The following ATF2 variants were observed in gnomAD, a reference collection of about 807,000 sequenced individuals.
ATF2 encodes activating transcription factor 2, also known as cyclic AMP-dependent transcription factor ATF-2.
Under a neutral mutation model 60.6 loss-of-function variants are expected in ATF2, and 24 were observed. The observed-to-expected ratio is 0.40, with a 90% confidence interval of 0.29 to 0.56. The LOEUF is 0.56. Among genes scored for constraint, ATF2 ranks in the 20% least tolerant of loss-of-function variants. The pLI is 0.54. For synonymous variants in ATF2, 206 were observed against 215.4 expected (o/e 0.96, Z 0.38); for missense variants, 433 against 607.7 (o/e 0.71, Z 3.02).
At chr2:175,101,555 T>C (rs978559606) in intron 10 of ATF2, among the ~76,000 whole-genome samples, 2 of 152,172 alleles carry the variant, frequency 1.3e-5, no homozygotes, top group African/African-American at 2.4e-5. Flanking sequence ...TATCATAGAA[T>C]TGAAGAGCAT....
chr2:175,078,911 T>C (rs1375535837), intron 13 of ATF2, among the ~76,000 whole-genome samples: 1 of 152,142 alleles, frequency 6.6e-6, no homozygotes, highest in African/African-American at 2.4e-5. Flanking sequence ...CTGAAGAGAA[T>C]TAATTTTATG....
rs958385979 is a variant in ATF2, at chr2:175,102,639, C to T, written c.829-5046G>A. Among the ~76,000 whole-genome samples the T allele has an allele frequency of 3.9e-5, 6 of 151,932 alleles. No homozygotes were observed. In the East Asian group the frequency reaches 5.8e-4, roughly 15 times the overall value. On this transcript the variant is annotated intron_variant, in intron 10 of 13. Transcript: ENST00000264110. Reference sequence around the variant, plus strand: ...TAAAAATTAGCCAGGTGTGGTGGTGCATGCCTGTAGTCCCAACTACTCAGG... The same window carrying T: ...TAAAAATTAGCCAGGTGTGGTGGTGTATGCCTGTAGTCCCAACTACTCAGG...
chr2:175,121,630 A>T, intron 4 of ATF2, 90 bp from the exon 5 acceptor site: 1 of 946,258 alleles, frequency 1.1e-6, no homozygotes, highest in Non-Finnish European at 1.6e-6. Flanking sequence ...CAACATGTAA[A>T]ACCACCATTA....
Position 175,133,212 on chromosome 2 carries a change from T to C in ATF2, c.33-3005A>G, listed in dbSNP as rs570537819. ...ACAAGGCAGTCATGAAGAATTGTAA[T>C]TAAGCTAGAGGACTTTTATTACCAG... is the stretch of plus-strand genomic sequence containing the variant. On this transcript the variant is annotated intron_variant, in intron 3 of 13. Transcript: ENST00000264110. 3.9e-5 allele frequency among the ~76,000 whole-genome samples: 6 copies of C among 152,284 alleles called. No individual in the cohort carries two copies. The East Asian group carries it at 9.6e-4, about 24-fold the overall frequency.
intron 1 of ATF2, among the ~76,000 whole-genome samples, chr2:175,162,505 T>A (rs1700091405): frequency 1.3e-5 from 2 of 152,218 alleles, no homozygotes; most frequent in Admixed American, 1.3e-4. Context: ...GAGATTAGTA[T>A]CCTATAGAAA....
chr2:175,161,160 G>A (rs750483718), intron 1 of ATF2, among the ~76,000 whole-genome samples: 1 of 152,020 alleles, frequency 6.6e-6, no homozygotes, highest in Non-Finnish European at 1.5e-5. Flanking sequence ...GGTACATATG[G>A]AACAAAAAAA....
chr2:175,103,151 A>G (rs1163833738), intron 10 of ATF2, among the ~76,000 whole-genome samples: 1 of 152,196 alleles, frequency 6.6e-6, no homozygotes, highest in East Asian at 1.9e-4. Flanking sequence ...GTACTCCATC[A>G]CAGTTCAAAG....
At chr2:175,102,880 T>A (rs1469778581) in intron 10 of ATF2, among the ~76,000 whole-genome samples, 1 of 152,202 alleles carries the variant, frequency 6.6e-6, no homozygotes, top group African/African-American at 2.4e-5. Context: ...AATGTCTTCA[T>A]TATGTTTCTA....
chr2:175,163,089 G>A (rs1344042567), intron 1 of ATF2, among the ~76,000 whole-genome samples: 3 of 151,900 alleles, frequency 2.0e-5, no homozygotes, highest in African/African-American at 4.8e-5. Context: ...AGCCAAGATC[G>A]TGCCACTGCA....
intron 4 of ATF2, among the ~76,000 whole-genome samples, chr2:175,125,301 A>G (rs1480121438): frequency 4.6e-5 from 7 of 152,040 alleles, no homozygotes; most frequent in Admixed American, 4.6e-4. Context: ...CTAAAAACAG[A>G]CCATACCATT....
chr2:175,111,950 G>T (rs1341688133), intron 9 of ATF2, among the ~76,000 whole-genome samples: 1 of 152,116 alleles, frequency 6.6e-6, no homozygotes, highest in African/African-American at 2.4e-5. Context: ...AATTCTCAAA[G>T]ATCTGTCAAA....
At chr2:175,094,402 C>CAAAAAAAAAAAA (rs1694763472) in intron 11 of ATF2, among the ~76,000 whole-genome samples, 1 of 9,220 alleles carries the variant, frequency 1.1e-4, no homozygotes, top group African/African-American at 4.1e-4. Context: ...TCAAAAAATA[C>CAAAAAAAAAAAA]GAAAAAAAAA....
Position 175,153,747 on chromosome 2 carries a change from G to A in ATF2, c.-142-2589C>T, listed in dbSNP as rs192409134. 6.1e-5 allele frequency among the ~76,000 whole-genome samples: 9 copies of A among 148,720 alleles called. No individual in the cohort carries two copies. The East Asian group carries it at 8.1e-4, about 13-fold the overall frequency. On this transcript the variant is annotated intron_variant, in intron 1 of 13. Transcript: ENST00000264110. ...TGGGAGGCTGAGGCAGAGGAGAATC[G>A]CTTGAACCCAGGAGGCAGAGGTTGC... is the stretch of plus-strand genomic sequence containing the variant.
At chr2:175,155,972 T>C (rs1699651361) in intron 1 of ATF2, among the ~76,000 whole-genome samples, 1 of 152,136 alleles carries the variant, frequency 6.6e-6, no homozygotes, top group Admixed American at 6.5e-5. Flanking sequence ...AGTATATGAG[T>C]GTATTAGGCA....
At chr2:175,136,077 T>C (rs950273869) in intron 3 of ATF2, among the ~76,000 whole-genome samples, 50 of 149,562 alleles carry the variant, frequency 3.3e-4, no homozygotes, top group African/African-American at 1.1e-3. Flanking sequence ...GTAAAATGAC[T>C]AGGGGAGCAC....
At chr2:175,127,823 A>G (rs1697443739) in intron 4 of ATF2, among the ~76,000 whole-genome samples, 1 of 152,042 alleles carries the variant, frequency 6.6e-6, no homozygotes, top group Non-Finnish European at 1.5e-5. Context: ...AATTGCATTA[A>G]CCCTGATAAC....
chr2:175,131,559 C>T (rs191295727), intron 3 of ATF2, among the ~76,000 whole-genome samples: 1 of 152,160 alleles, frequency 6.6e-6, no homozygotes, highest in Non-Finnish European at 1.5e-5. Context: ...GCATTATAAG[C>T]TATTTTATAA....
At chr2:175,106,696 TG>T (rs1163809911) in intron 10 of ATF2, among the ~76,000 whole-genome samples, 1 of 151,388 alleles carries the variant, frequency 6.6e-6, no homozygotes, top group Non-Finnish European at 1.5e-5. Context: ...ATTAGCTGCA[TG>T]TGGTGGCGGA....
chr2:175,163,983 T>G (rs1700191355), intron 1 of ATF2, among the ~76,000 whole-genome samples: 1 of 143,092 alleles, frequency 7.0e-6, no homozygotes, highest in Non-Finnish European at 1.5e-5. Flanking sequence ...AAGAATAAAT[T>G]GAAAAGATAT....
Sources: allele counts gnomAD v4.1 joint callset (sites outside exome capture counted in the v4.1 genomes callset), GRCh38; gene constraint gnomAD v4.1.1; transcripts MANE v1.5; gene names NCBI Gene and HGNC (gene_info 2026-07-23, HGNC 2026-07-21).